Variants in NAALADL2 observed in about 807,000 individuals in gnomAD.
NAALADL2 encodes the protein inactive N-acetylated-alpha-linked acidic dipeptidase-like protein 2.
In NAALADL2, 76 loss-of-function variants were observed where a neutral mutation model predicts 87.2. That is an observed-to-expected ratio of 0.87 (90% CI 0.72 to 1.05). The LOEUF is 1.05. Ranked by LOEUF, NAALADL2 falls within the 50% of genes least tolerant of loss-of-function variation. The pLI is 0.00. For missense variants in NAALADL2, 1,089 were observed against 945.8 expected (o/e 1.15, Z -1.99); for synonymous variants, 354 against 331.0 (o/e 1.07, Z -0.75).
chr3:175,159,699 T>C (rs1439364198), intron 2 of NAALADL2, among the ~76,000 whole-genome samples: 1 of 152,192 alleles, frequency 6.6e-6, no homozygotes, highest in East Asian at 1.9e-4. Flanking sequence ...AATGAATTAG[T>C]GTAGTACCTA....
chr3:174,623,332 T>C (rs1011926094), intron 2 of NAALADL2, among the ~76,000 whole-genome samples: 6 of 152,182 alleles, frequency 3.9e-5, no homozygotes, highest in Non-Finnish European at 7.3e-5. Context: ...TATGATTTAA[T>C]ACTGCACCTT....
At chr3:175,754,339 A>G (rs1300315948) in intron 12 of NAALADL2, among the ~76,000 whole-genome samples, 1 of 152,184 alleles carries the variant, frequency 6.6e-6, no homozygotes, top group African/African-American at 2.4e-5. Flanking sequence ...GCGGACAACT[A>G]TACTAGTGTT....
chr3:175,502,411 G>A (rs922215316), intron 9 of NAALADL2, among the ~76,000 whole-genome samples: 4 of 152,088 alleles, frequency 2.6e-5, no homozygotes, highest in African/African-American at 7.2e-5. Context: ...GAGGCAATGC[G>A]ACAAGTAAGA....
intron 2 of NAALADL2, among the ~76,000 whole-genome samples, chr3:174,551,900 G>T (rs1044147045): frequency 4.6e-5 from 7 of 152,166 alleles, no homozygotes; most frequent in Admixed American, 2.0e-4. Context: ...ATTGGCTTTG[G>T]TATCCACGGT....
At chr3:174,979,508 T>C (rs1322343985) in intron 1 of NAALADL2, among the ~76,000 whole-genome samples, 36 of 151,880 alleles carry the variant, frequency 2.4e-4, no homozygotes, top group Non-Finnish European at 4.6e-4. Context: ...GGTTTCACCG[T>C]GTTAGCCAGG....
intron 4 of NAALADL2, among the ~76,000 whole-genome samples, chr3:175,315,930 G>A (rs1759086333): frequency 6.6e-6 from 1 of 151,996 alleles, no homozygotes; most frequent in African/African-American, 2.4e-5. Context: ...CAATAGTTTA[G>A]AAGCAAATTT....
chr3:175,268,528 T>C (rs1406896382), intron 4 of NAALADL2, among the ~76,000 whole-genome samples: 1 of 152,140 alleles, frequency 6.6e-6, no homozygotes, highest in Non-Finnish European at 1.5e-5. Context: ...TTTTTCTTTT[T>C]AATAATAAAT....
chr3:174,732,689 G>C (rs1242985262), intron 2 of NAALADL2, among the ~76,000 whole-genome samples: 2 of 152,108 alleles, frequency 1.3e-5, no homozygotes, highest in Non-Finnish European at 2.9e-5. Flanking sequence ...AAATTTATGT[G>C]ATTCAAAACA....
chr3:175,420,530 G>A (rs1411388603), intron 5 of NAALADL2, among the ~76,000 whole-genome samples: 6 of 151,976 alleles, frequency 3.9e-5, no homozygotes, highest in Non-Finnish European at 8.8e-5. Context: ...TACAGCCAGT[G>A]AATTCCAAAT....
chr3:175,665,935 C>A (rs578046690), intron 11 of NAALADL2, among the ~76,000 whole-genome samples: 185 of 151,096 alleles, frequency 1.2e-3, no homozygotes, highest in African/African-American at 3.7e-3. Context: ...GTCCCCCCCC[C>A]AAAAAAAAGG....
intron 2 of NAALADL2, among the ~76,000 whole-genome samples, chr3:174,569,191 C>CA (rs1353704198): frequency 2.6e-5 from 4 of 151,744 alleles, no homozygotes; most frequent in Non-Finnish European, 5.9e-5. Flanking sequence ...GAGTGTATTA[C>CA]ATGTACACTA....
At chr3:175,314,977 A>G (rs1201879478) in intron 4 of NAALADL2, among the ~76,000 whole-genome samples, 1 of 151,954 alleles carries the variant, frequency 6.6e-6, no homozygotes, top group Non-Finnish European at 1.5e-5. Context: ...GCCAGTCACA[A>G]TCTAGTGCCA....
At chr3:174,474,696 T>C (rs556642319) in intron 1 of NAALADL2, among the ~76,000 whole-genome samples, 1 of 152,280 alleles carries the variant, frequency 6.6e-6, no homozygotes, top group South Asian at 2.1e-4. Context: ...TTTCTTCTCA[T>C]GGGGCTTTCT....
chr3:175,262,575 AGTGTGTGTGTGTGT>A (rs71164625), intron 4 of NAALADL2, among the ~76,000 whole-genome samples: 5 of 147,120 alleles, frequency 3.4e-5, no homozygotes, highest in East Asian at 4.0e-4. Flanking sequence ...ATGTTGTGTG[AGTGTGTGTGTGTGT>A]GTGTGTGTGT....
intron 1 of NAALADL2, among the ~76,000 whole-genome samples, chr3:174,976,566 A>G (rs1744387781): frequency 6.6e-6 from 1 of 152,234 alleles, no homozygotes; most frequent in Admixed American, 6.5e-5. Flanking sequence ...TTAATAGAAT[A>G]TGATACTAAT....
intron 5 of NAALADL2, among the ~76,000 whole-genome samples, chr3:175,383,646 C>G (rs1465648652): frequency 6.6e-6 from 1 of 151,728 alleles, no homozygotes; most frequent in African/African-American, 2.4e-5. Flanking sequence ...CAATTTGATT[C>G]AAGGGCCCAG....
chr3:175,463,701 G>GGGGAGAGAGAGAGAGAGAGA (rs1283613899), intron 7 of NAALADL2, among the ~76,000 whole-genome samples: 28 of 115,482 alleles, frequency 2.4e-4, no homozygotes, highest in Non-Finnish European at 3.0e-4. Context: ...CTTAGTCGGG[G>GGGGAGAGAGAGAGAGAGAGA]GAGAGAGAGA....
At chr3:175,413,168 G>A (rs1414415775) in intron 5 of NAALADL2, among the ~76,000 whole-genome samples, 1 of 144,764 alleles carries the variant, frequency 6.9e-6, no homozygotes, top group Non-Finnish European at 1.5e-5. Context: ...GGAGGCTGAG[G>A]TGGGCAGATC....
At chr3:175,034,617 A>T (rs1753194180) in intron 1 of NAALADL2, among the ~76,000 whole-genome samples, 2 of 152,114 alleles carry the variant, frequency 1.3e-5, no homozygotes, top group South Asian at 2.1e-4. Context: ...ATGGCATGTT[A>T]TTTATTATTG....
Sources: gnomAD v4.1 joint callset for allele counts (sites outside exome capture counted in the v4.1 genomes callset) on GRCh38, gnomAD v4.1.1 for gene constraint, MANE v1.5 for transcripts, NCBI Gene and HGNC (gene_info 2026-07-23, HGNC 2026-07-21) for gene names.